Variants in TRIB2 observed in about 807,000 individuals in gnomAD.
TRIB2 encodes tribbles pseudokinase 2.
A neutral mutation model predicts 26.8 loss-of-function variants in TRIB2; 2 were observed. That is an observed-to-expected ratio of 0.07 (90% confidence interval 0.03 to 0.24). The LOEUF (loss-of-function observed/expected upper bound fraction) is 0.24, where lower values mean the gene tolerates loss of function less well. Ranked by LOEUF, TRIB2 falls within the 10% of genes least tolerant of loss-of-function variation. TRIB2 has a pLI of 1.00. For missense variants in TRIB2, 306 were observed against 449.0 expected (o/e 0.68, Z 2.88); for synonymous variants, 189 against 187.3 (o/e 1.01, Z -0.08).
chr2:12,723,236 G>A, intron 1 of TRIB2, 24 bp from the exon 2 acceptor site: 1 of 1,600,562 alleles, frequency 6.2e-7, no homozygotes, highest in Non-Finnish European at 8.5e-7. Flanking sequence ...TCTGACTTTG[G>A]TCTTACTGTT....
In TRIB2 at chr2:12,718,426, G is replaced by A; in HGVS notation, c.119G>A (p.Ser40Asn). 6.2e-7 allele frequency: 1 copy of A among 1,614,244 alleles called. No homozygotes were observed. The highest frequency in any genetic ancestry group is 8.5e-7 in the Non-Finnish European group (1 of 1,180,056). Reference protein sequence around the residue: ...IRSAEPSQSFSPNLGSPSPPE... With the variant: ...IRSAEPSQSFNPNLGSPSPPE... ...TCCGCGGAGCCCAGCCAGAGTTTCA[G>A]CCCGAACCTCGGCTCCCCGAGCCCG... The change falls in exon 1 of 3, where the codon AGC becomes AAC. Residue 40 changes from serine to asparagine, a missense_variant. Ser to Asn is a conservative substitution (Grantham distance 46, BLOSUM62 1). Around this residue, in one of 4 missense-constraint regions of TRIB2, gnomAD observed 99 missense variants for 106.5 expected, o/e 0.93. Coordinates refer to ENST00000155926, the MANE Select transcript of TRIB2 (RefSeq NM_021643.4). The surrounding 1 kb of genome is among the most constrained non-coding windows in gnomAD (Gnocchi z 4.0).
intron 2 of TRIB2, among the ~76,000 whole-genome samples, chr2:12,726,410 TA>T (rs1298096395): frequency 2.0e-5 from 3 of 152,212 alleles, no homozygotes; most frequent in Non-Finnish European, 4.4e-5. Flanking sequence ...CATGGTGGCC[TA>T]CATGGAGCAC....
At chr2:12,724,799 A>G in intron 2 of TRIB2, 2 of 1,612,522 alleles carry the variant, frequency 1.2e-6, no homozygotes, top group Non-Finnish European at 8.5e-7. Flanking sequence ...TCAATTAATA[A>G]TAAATTGGTG....
At chr2:12,733,001 C>T (rs1249182014) in intron 2 of TRIB2, among the ~76,000 whole-genome samples, 27 of 152,202 alleles carry the variant, frequency 1.8e-4, no homozygotes, top group Admixed American at 1.8e-3. Flanking sequence ...CAGCTCAGCC[C>T]CACCCTGGCC....
In TRIB2 at chr2:12,741,012, G is replaced by A. The variant is rs896710593; in HGVS notation, c.*218G>A. On this transcript the variant is annotated 3_prime_UTR_variant, in exon 3 of 3. Coordinates refer to ENST00000155926, the MANE Select transcript of TRIB2 (RefSeq NM_021643.4). ...ATTGGGGTGAGATGGATGGGAGCCC[G>A]CTGGAGCTTGTCTTCCCTAACATAG... The A allele has an allele frequency of 1.3e-5, 7 of 545,796 alleles. No individual in the cohort carries two copies. The highest frequency in any genetic ancestry group is 2.4e-5 in the South Asian group (1 of 41,976). The allele number at this position is 545,796 out of a possible 1,614,324, so 33.8% of individuals were successfully genotyped here.
At chr2:12,731,852 A>C (rs1189832422) in intron 2 of TRIB2, among the ~76,000 whole-genome samples, 1 of 151,866 alleles carries the variant, frequency 6.6e-6, no homozygotes, top group African/African-American at 2.4e-5. Context: ...ACCCCGAAGC[A>C]CTCCTAAGCC....
chr2:12,742,701 TTCAA>T lies in TRIB2; in HGVS notation c.*1913_*1916del, dbSNP rs1282207799. On this transcript the variant is annotated 3_prime_UTR_variant, in exon 3 of 3. Transcript: ENST00000155926. ...GGTTTAATGTTTTTGTCCTAATCTC[TTCAA>T]TCAATAAAATTGTGCGTATTTAACT... 1 of 147,492 alleles carries T rather than the reference TTCAA, an allele frequency of 6.8e-6. No individual in the cohort carries two copies. Among genetic ancestry groups the T allele is most frequent in the African/African-American group, 2.5e-5 (1 of 40,412 alleles). 9.1% of individuals were successfully genotyped at this position (147,492 alleles called of 1,614,324 possible).
chr2:12,734,495 C>T (rs554208620), intron 2 of TRIB2, among the ~76,000 whole-genome samples: 29 of 152,194 alleles, frequency 1.9e-4, no homozygotes, highest in Admixed American at 3.3e-4. Context: ...ACTTGCATTT[C>T]GTGCTTCCTC....
chr2:12,724,787 TTTCAATTAATAATAAA>T, intron 2 of TRIB2: 1 of 1,612,644 alleles, frequency 6.2e-7, no homozygotes, highest in Admixed American at 1.7e-5. Context: ...TCTAAGGTCT[TTTCAATTAATAATAAA>T]TTGGTGTATG....
At chr2:12,730,431 G>A (rs548747818) in intron 2 of TRIB2, among the ~76,000 whole-genome samples, 1 of 152,276 alleles carries the variant, frequency 6.6e-6, no homozygotes, top group South Asian at 2.1e-4. Flanking sequence ...CCAACCCTGA[G>A]AAAGAATTTT....
In TRIB2 at chr2:12,718,474, A is replaced by G; in HGVS notation, c.167A>G (p.His56Arg). ...PSPPETPNLS[H>R]CVSCIGKYLL... is the part of the protein sequence containing the mutation. Reference sequence around the variant, plus strand: ...CCGCCCGAGACTCCGAACTTGTCGCATTGCGTTTCTTGTATCGGGAAATAC... The same window carrying G: ...CCGCCCGAGACTCCGAACTTGTCGCGTTGCGTTTCTTGTATCGGGAAATAC... The change falls in exon 1 of 3, where the codon CAT becomes CGT. Residue 56 changes from histidine to arginine, a missense_variant. His to Arg is a conservative substitution (Grantham distance 29). Coordinates refer to ENST00000155926, the MANE Select transcript of TRIB2 (RefSeq NM_021643.4). The surrounding 1 kb of genome is among the most constrained non-coding windows in gnomAD (Gnocchi z 4.0). 1 of 1,614,180 alleles carries G rather than the reference A, an allele frequency of 6.2e-7. No homozygotes were observed.
intron 2 of TRIB2, among the ~76,000 whole-genome samples, chr2:12,738,960 C>T (rs1216118542): frequency 6.6e-6 from 1 of 152,144 alleles, no homozygotes; most frequent in Non-Finnish European, 1.5e-5. Context: ...GATTTCTTAC[C>T]TCTTTTCTTG....
At chr2:12,719,793 T>C (rs766490279) in intron 1 of TRIB2, among the ~76,000 whole-genome samples, 9 of 150,858 alleles carry the variant, frequency 6.0e-5, no homozygotes, top group Non-Finnish European at 1.2e-4. Flanking sequence ...GATTGTTCAG[T>C]TCAGCCCTTA....
At chr2:12,735,793 G>C (rs952705234) in intron 2 of TRIB2, among the ~76,000 whole-genome samples, 1 of 152,068 alleles carries the variant, frequency 6.6e-6, no homozygotes, top group African/African-American at 2.4e-5. Context: ...AGCATGTGCC[G>C]AACCAAATGT....
chr2:12,735,110 G>A (rs16859312), intron 2 of TRIB2, among the ~76,000 whole-genome samples: 6,175 of 152,244 alleles, frequency 0.041, 192 homozygotes, highest in Non-Finnish European at 0.065. Flanking sequence ...CATTCCTCTC[G>A]CGTGGTATGC....
intron 1 of TRIB2, among the ~76,000 whole-genome samples, chr2:12,722,262 G>A (rs959874702): frequency 1.3e-5 from 2 of 152,194 alleles, no homozygotes; most frequent in Admixed American, 1.3e-4. Context: ...TGTATTGTTA[G>A]GGCGTTCCTG....
intron 2 of TRIB2, among the ~76,000 whole-genome samples, chr2:12,725,327 C>T (rs1248121519): frequency 6.6e-6 from 1 of 152,182 alleles, no homozygotes; most frequent in Non-Finnish European, 1.5e-5. Flanking sequence ...GGGTGGAGGT[C>T]CCCAAGTCAT....
At position 12,732,803 on chromosome 2, in the gene TRIB2, G is replaced by A. The variant is rs539038121; in HGVS notation, c.564-7523G>A. The stretch of plus-strand genomic sequence containing the variant: ...CCTGGCTTTCACAGCTGGACTGGCT[G>A]CCCAGAGGACTTTTTCAGTAACAGT... On this transcript the variant is annotated intron_variant, in intron 2 of 2. Transcript: ENST00000155926. This position sits in a 1 kb window ranked among gnomAD's most constrained non-coding sequence, Gnocchi z 4.2. 6.6e-6 allele frequency among the ~76,000 whole-genome samples: 1 copy of A among 152,332 alleles called. No homozygotes were observed. The highest frequency in any genetic ancestry group is 2.1e-4 in the South Asian group (1 of 4,834).
In TRIB2 at chr2:12,723,245, T is replaced by C. The variant is rs781121933; in HGVS notation, c.271-15T>C. 1 of 1,606,556 alleles carries C rather than the reference T, an allele frequency of 6.2e-7. No homozygotes were observed. Among genetic ancestry groups the C allele is most frequent in the South Asian group, 1.1e-5 (1 of 90,606 alleles). ...GGCACCTCTGACTTTGGTCTTACTG[T>C]TAATCCTGTCGTAGGTGTTTGATAT... On this transcript the variant is annotated splice_polypyrimidine_tract_variant and intron_variant, in intron 1 of 2. Transcript: ENST00000155926.
Sources: gnomAD v4.1 joint callset for allele counts (sites outside exome capture counted in the v4.1 genomes callset) on GRCh38, gnomAD v4.1.1 for gene constraint, gnomAD v4.1.1 regional missense constraint, Gnocchi (gnomAD v3.1) non-coding constraint, MANE v1.5 for transcripts, NCBI Gene and HGNC (gene_info 2026-07-23, HGNC 2026-07-21) for gene names.